The following PBX3 variants were observed in gnomAD, a reference collection of about 807,000 sequenced individuals.
PBX3 encodes the protein PBX homeobox 3.
PBX3 carries 14 observed loss-of-function variants against 48.5 expected under a neutral mutation model. The observed-to-expected ratio is 0.29, with a 90% CI of 0.19 to 0.45. The LOEUF (loss-of-function observed/expected upper bound fraction) is 0.45. PBX3 is among the 20% of genes least tolerant of loss of function. The pLI, the probability that PBX3 is intolerant of heterozygous loss-of-function variation, is 1.00. For synonymous variants in PBX3, 210 were observed against 200.3 expected (o/e 1.05, Z -0.41); for missense variants, 386 against 546.7 (o/e 0.71, Z 2.93).
At chr9:125,776,867 A>G (rs540859915) in intron 2 of PBX3, among the ~76,000 whole-genome samples, 2 of 152,088 alleles carry the variant, frequency 1.3e-5, no homozygotes, top group East Asian at 3.9e-4. Context: ...TATTACTTTC[A>G]TCATGGAATC....
chr9:125,833,393 A>T (rs1839023093), intron 2 of PBX3, among the ~76,000 whole-genome samples: 1 of 151,952 alleles, frequency 6.6e-6, no homozygotes. Flanking sequence ...CTGAGGCAGG[A>T]GGATCACCTG....
intron 2 of PBX3, among the ~76,000 whole-genome samples, chr9:125,901,529 G>T (rs1047379672): frequency 6.6e-6 from 1 of 151,670 alleles, no homozygotes; most frequent in African/African-American, 2.4e-5. Context: ...ATAGGTTTTA[G>T]TATAGTACTG....
chr9:125,937,408 A>C (rs1841862951), intron 5 of PBX3, among the ~76,000 whole-genome samples: 1 of 151,868 alleles, frequency 6.6e-6, no homozygotes, highest in South Asian at 2.1e-4. Context: ...TTTCTATGGA[A>C]AAATAGCTTT....
chr9:125,870,629 G>A (rs59703419), intron 2 of PBX3, among the ~76,000 whole-genome samples: 6,108 of 152,252 alleles, frequency 0.04, 303 homozygotes, highest in East Asian at 0.17. Context: ...TCAAGATGAG[G>A]TTTGGGTGGG....
chr9:125,936,316 G>A (rs749501040), intron 5 of PBX3, among the ~76,000 whole-genome samples: 5 of 152,118 alleles, frequency 3.3e-5, no homozygotes, highest in South Asian at 2.1e-4. Flanking sequence ...TAAATATATC[G>A]TATTAGCATT....
At chr9:125,791,354 A>T (rs188508300) in intron 2 of PBX3, among the ~76,000 whole-genome samples, 5 of 119,974 alleles carry the variant, frequency 4.2e-5, no homozygotes, top group African/African-American at 1.7e-4. Flanking sequence ...TATCTCTGTC[A>T]ATCATCTGTC....
intron 2 of PBX3, among the ~76,000 whole-genome samples, chr9:125,858,263 G>A (rs1441955567): frequency 6.6e-6 from 1 of 152,172 alleles, no homozygotes; most frequent in African/African-American, 2.4e-5. Flanking sequence ...TACTTGGGAG[G>A]CTGAAGAGCA....
chr9:125,911,521 C>T (rs559891407), intron 2 of PBX3, among the ~76,000 whole-genome samples: 1 of 152,164 alleles, frequency 6.6e-6, no homozygotes, highest in South Asian at 2.1e-4. Context: ...TAACAGAAAA[C>T]ATTAATATTA....
chr9:125,750,776 C>G (rs1158422695), intron 2 of PBX3, among the ~76,000 whole-genome samples: 1 of 152,210 alleles, frequency 6.6e-6, no homozygotes, highest in African/African-American at 2.4e-5. Context: ...TGGGTAGAGG[C>G]ATCTTCCTGC....
In PBX3 at chr9:125,897,931, A is replaced by G. The variant is rs139492726; in HGVS notation, c.275-17755A>G. Among the ~76,000 whole-genome samples the G allele has an allele frequency of 3.3e-5, 5 of 152,024 alleles. No homozygotes were observed. The East Asian group carries it at 9.7e-4, about 29-fold the overall frequency. On this transcript the variant is annotated intron_variant, in intron 2 of 8. Transcript: ENST00000373489. ...CATTCTTAAAATAATTAAGATACTA[A>G]TGCGACTTACTTTAATTGAAGAATT...
At chr9:125,774,578 A>AT (rs1007357953) in intron 2 of PBX3, among the ~76,000 whole-genome samples, 19 of 149,068 alleles carry the variant, frequency 1.3e-4, no homozygotes, top group African/African-American at 4.0e-4. Context: ...TCAGTACTTC[A>AT]TTTTTTTTAA....
intron 2 of PBX3, among the ~76,000 whole-genome samples, chr9:125,879,578 T>TA (rs1291293181): frequency 2.6e-5 from 4 of 152,176 alleles, no homozygotes; most frequent in Non-Finnish European, 5.9e-5. Flanking sequence ...AGGGCTGACT[T>TA]CAGGACAATC....
chr9:125,837,881 C>T (rs979079761), intron 2 of PBX3, among the ~76,000 whole-genome samples: 5 of 152,074 alleles, frequency 3.3e-5, no homozygotes, highest in African/African-American at 9.7e-5. Context: ...TGAGCCACCA[C>T]GCCCGGCCTA....
At chr9:125,948,568 C>T (rs1158411717) in intron 5 of PBX3, among the ~76,000 whole-genome samples, 25 of 151,710 alleles carry the variant, frequency 1.6e-4, no homozygotes, top group Admixed American at 1.6e-3. Context: ...GATAACATAC[C>T]AAAACTCATG....
chr9:125,919,750 T>A (rs1841417095), intron 3 of PBX3, among the ~76,000 whole-genome samples: 1 of 152,176 alleles, frequency 6.6e-6, no homozygotes, highest in Admixed American at 6.5e-5. Flanking sequence ...CTGTTTAGAT[T>A]TAGATTGCCA....
chr9:125,819,893 A>G (rs955024247), intron 2 of PBX3, among the ~76,000 whole-genome samples: 2 of 152,182 alleles, frequency 1.3e-5, no homozygotes, highest in African/African-American at 2.4e-5. Flanking sequence ...TTTTTCTGCC[A>G]CATTTAATTA....
intron 2 of PBX3, among the ~76,000 whole-genome samples, chr9:125,869,068 A>G (rs1840055631): frequency 6.6e-6 from 1 of 152,236 alleles, no homozygotes; most frequent in African/African-American, 2.4e-5. Context: ...GGTACAGCAA[A>G]TAAGGTAAGC....
At chr9:125,897,148 T>TTTG (rs1481431171) in intron 2 of PBX3, among the ~76,000 whole-genome samples, 2,615 of 148,108 alleles carry the variant, frequency 0.018, 150 homozygotes, top group East Asian at 0.16. Context: ...GTGGTTTTTT[T>TTTG]TTTTTTTTTT....
chr9:125,808,009 A>C (rs1459214828), intron 2 of PBX3, among the ~76,000 whole-genome samples: 1 of 152,242 alleles, frequency 6.6e-6, no homozygotes, highest in African/African-American at 2.4e-5. Flanking sequence ...ATGTAGATAG[A>C]TAGATAAACA....
Sources: allele counts gnomAD v4.1 joint callset (sites outside exome capture counted in the v4.1 genomes callset), GRCh38; gene constraint gnomAD v4.1.1; transcripts MANE v1.5; gene names NCBI Gene and HGNC (gene_info 2026-07-23, HGNC 2026-07-21).